The following ABCA12 variants were observed in gnomAD, a reference collection of about 807,000 sequenced individuals.
ABCA12 encodes the protein ATP binding cassette subfamily A member 12.
A neutral mutation model predicts 293.5 loss-of-function variants in ABCA12; 156 were observed. That is an observed-to-expected ratio of 0.53 (90% CI 0.47 to 0.61). The LOEUF (loss-of-function observed/expected upper bound fraction) is 0.61, where lower values mean the gene tolerates loss of function less well. Among genes scored for constraint, ABCA12 ranks in the 20% least tolerant of loss-of-function variants. ABCA12 has a pLI of 0.00. For synonymous variants in ABCA12, 1,063 were observed against 1,108.0 expected (o/e 0.96, Z 0.81); for missense variants, 2,797 against 3,090.2 (o/e 0.91, Z 2.25).
At chr2:215,132,420 C>T (rs1450489023) in intron 1 of ABCA12, among the ~76,000 whole-genome samples, 5 of 151,568 alleles carry the variant, frequency 3.3e-5, no homozygotes, top group African/African-American at 7.2e-5. Flanking sequence ...TGGGTGCTTC[C>T]GTATTGGGTT....
chr2:214,946,247 TAAA>T (rs1485037709), intron 48 of ABCA12, among the ~76,000 whole-genome samples: 1 of 152,100 alleles, frequency 6.6e-6, no homozygotes, highest in Non-Finnish European at 1.5e-5. Flanking sequence ...TTTTAAAAAA[TAAA>T]GAAATTAGTG....
Position 215,012,034 on chromosome 2 carries a change from C to T in ABCA12, c.2058G>A (p.Pro686=), listed in dbSNP as rs535625281. 18 of 1,613,854 alleles carry T rather than the reference C, an allele frequency of 1.1e-5. No individual in the cohort carries two copies. The highest frequency in any genetic ancestry group is 1.6e-4 in the Middle Eastern group (1 of 6,062). ...ILNQMASGTH[P]LLDKMRSLKQ... is the part of the protein sequence containing the mutation. ...TCAGGGATCTCATTTTGTCTAGCAG[C>T]GGATGTGTGCCAGAAGCCATCTGAT... The change falls in exon 16 of 53, where the codon CCG becomes CCA. Residue 686 remains proline, a synonymous_variant. Coordinates refer to ENST00000272895, the MANE Select transcript of ABCA12 (RefSeq NM_173076.3).
In ABCA12 at chr2:214,949,063, G is replaced by T; in HGVS notation, c.6939C>A (p.Asn2313Lys). 1 of 1,613,684 alleles carries T rather than the reference G, an allele frequency of 6.2e-7. No homozygotes were observed. Among genetic ancestry groups the T allele is most frequent in the Non-Finnish European group, 8.5e-7 (1 of 1,179,762 alleles). Residue 2313 changes from asparagine to lysine, a missense_variant, in exon 46 of 53, where the codon AAC (asparagine) becomes AAA (lysine). Physicochemically the swap from Asn to Lys is moderately conservative, Grantham distance 94. This residue lies in a region of ABCA12 where 2,130 missense variants were observed against 2,427.0 expected (regional missense o/e 0.88). Coordinates refer to ENST00000272895, the MANE Select transcript of ABCA12 (RefSeq NM_173076.3). ...LTGDIIPSSG[N>K]ILIRNKTGSL... ...ACCCGGTCTTATTTCTGATCAGAAT[G>T]TTTCCACTTGAAGGAATGATGTCTC...
chr2:214,994,060 G>C (rs1165360024), intron 23 of ABCA12, among the ~76,000 whole-genome samples: 5 of 152,056 alleles, frequency 3.3e-5, no homozygotes, highest in African/African-American at 9.7e-5. Context: ...TGAAACTTCA[G>C]TGTTAAACTT....
intron 2 of ABCA12, among the ~76,000 whole-genome samples, chr2:215,107,790 A>G (rs1702493035): frequency 6.6e-6 from 1 of 152,196 alleles, no homozygotes; most frequent in Non-Finnish European, 1.5e-5. Flanking sequence ...ACAGTATTAC[A>G]GAACAGAAGT....
chr2:214,940,059 C>A lies in ABCA12; in HGVS notation c.7437-2444G>T, dbSNP rs551166215. Among the ~76,000 whole-genome samples, 68 of 152,270 alleles carry A rather than the reference C, an allele frequency of 4.5e-4. 1 individual carries two copies. In the South Asian group the frequency reaches 0.013, roughly 29 times the overall value. On this transcript the variant is annotated intron_variant, in intron 50 of 52. Transcript: ENST00000272895. ...CTTGTGCTGGTTTTCAAAGGGAATA[C>A]TTCCAGATTTTGTCCATTTGGTATG... is the stretch of plus-strand genomic sequence containing the variant.
At chr2:214,992,110 G>C (rs1559135029) in intron 23 of ABCA12, among the ~76,000 whole-genome samples, 1 of 151,884 alleles carries the variant, frequency 6.6e-6, no homozygotes. Context: ...ATGTACTTTG[G>C]GGAAACCTGG....
chr2:215,109,998 TTAAGA>T (rs1375538931), intron 2 of ABCA12, among the ~76,000 whole-genome samples: 1 of 152,222 alleles, frequency 6.6e-6, no homozygotes, highest in Non-Finnish European at 1.5e-5. Flanking sequence ...CCCATGCTAC[TTAAGA>T]TATGTAGAAA....
At position 214,970,302 on chromosome 2, in the gene ABCA12, TATAAG is replaced by T. The variant is rs772049498; in HGVS notation, c.5656_5660del (p.Leu1886IlefsTer5). 2 of 1,612,952 alleles carry T rather than the reference TATAAG, an allele frequency of 1.2e-6. No individual in the cohort carries two copies. The highest frequency in any genetic ancestry group is 1.7e-5 in the Admixed American group (1 of 59,930). ...TTTGGACAAACTCATTTGCAGTTGA[TATAAG>T]ATAATTTTCCACTCGTTGCCCAGTG... is the stretch of plus-strand genomic sequence containing the variant. On this transcript the variant is annotated frameshift_variant, in exon 37 of 53. Coordinates refer to ENST00000272895, the MANE Select transcript of ABCA12 (RefSeq NM_173076.3). LOFTEE classifies it high-confidence loss of function.
rs779949281 is a variant in ABCA12 at position 215,054,605 on chromosome 2, G to A, written c.377C>T (p.Thr126Ile). 7 of 1,612,012 alleles carry A rather than the reference G, an allele frequency of 4.3e-6. No individual in the cohort carries two copies. The highest frequency in any genetic ancestry group is 5.9e-6 in the Non-Finnish European group (7 of 1,178,604). The change falls in exon 4 of 53, where the codon ACC becomes ATC. Residue 126 changes from threonine to isoleucine, a missense_variant. Thr to Ile is a moderately conservative substitution (Grantham distance 89, BLOSUM62 -1). This residue lies in a region of ABCA12 where 656 missense variants were observed against 638.2 expected (regional missense o/e 1.03). Transcript: ENST00000272895. ...DKDSSLSFQS[T>I]QVPERRHASL... ...TGCATGCCTTCTTTCTGGAACTTGG[G>A]TGCTCTGGAATGATAAACTGCTGTC...
At chr2:214,979,081 T>A (rs773549002) in intron 31 of ABCA12, 41 bp from the exon 32 acceptor site, 3 of 1,545,808 alleles carry the variant, frequency 1.9e-6, no homozygotes, top group Admixed American at 1.7e-5. Context: ...CTCCTCTCTT[T>A]ACACTATAGT....
chr2:215,112,790 G>A (rs1453967785), intron 1 of ABCA12, among the ~76,000 whole-genome samples: 2 of 152,022 alleles, frequency 1.3e-5, no homozygotes, highest in African/African-American at 4.8e-5. Flanking sequence ...GAGCCACCGT[G>A]CCCGGCCTGA....
At chr2:215,048,208 A>C (rs926504691) in intron 6 of ABCA12, among the ~76,000 whole-genome samples, 1 of 152,138 alleles carries the variant, frequency 6.6e-6, no homozygotes, top group Admixed American at 6.6e-5. Context: ...ACACTTAAAC[A>C]CTGTTAGTGG....
intron 29 of ABCA12, among the ~76,000 whole-genome samples, chr2:214,982,863 TA>T (rs987156246): frequency 1.2e-4 from 18 of 151,970 alleles, no homozygotes; most frequent in African/African-American, 2.9e-4. Context: ...TAAGTGCAAT[TA>T]AAAAAAATAA....
At chr2:215,072,419 T>A (rs1559178164) in intron 2 of ABCA12, among the ~76,000 whole-genome samples, 1 of 152,162 alleles carries the variant, frequency 6.6e-6, no homozygotes, top group Admixed American at 6.5e-5. Flanking sequence ...GCTATTATTA[T>A]TTTTTAAGGG....
Position 215,015,523 on chromosome 2 carries a change from C to G in ABCA12, c.1923G>C (p.Leu641=), listed in dbSNP as rs79664364. 9,593 of 1,614,032 alleles carry G rather than the reference C, an allele frequency of 5.9e-3. 40 individuals are homozygous for G. The highest frequency in any genetic ancestry group is 7.1e-3 in the Non-Finnish European group (8,385 of 1,179,938). The change falls in exon 15 of 53, where the codon CTG becomes CTC. Residue 641 remains leucine, a synonymous_variant. Coordinates refer to ENST00000272895, the MANE Select transcript of ABCA12 (RefSeq NM_173076.3). The stretch of plus-strand genomic sequence containing the variant: ...TGAAGTTGTAAATGTTTAAGTAGTG[C>G]AGAAGGGTGAGTCCGATGAGGTAAG... ...RQSYLIGLTL[L]HYLNIYNFTY...
At chr2:214,934,698 C>T (rs748617788) in intron 51 of ABCA12, among the ~76,000 whole-genome samples, 30 of 152,152 alleles carry the variant, frequency 2.0e-4, no homozygotes, top group Non-Finnish European at 3.4e-4. Context: ...CTTTTCCCAA[C>T]TCACCCTAAA....
rs371554904 is a variant in ABCA12 at position 215,004,185 on chromosome 2, A to C, written c.2683+24T>G. 53 of 1,588,154 alleles carry C rather than the reference A, an allele frequency of 3.3e-5. No individual in the cohort carries two copies. The East Asian group carries it at 4.2e-4, about 13-fold the overall frequency. Reference sequence around the variant, plus strand: ...ATATGTCCGACATGACTCATGAATAAAAGCTTTGTGAATTTGGACTCACCG... The same window carrying C: ...ATATGTCCGACATGACTCATGAATACAAGCTTTGTGAATTTGGACTCACCG... On this transcript the variant is annotated intron_variant, in intron 20 of 52. Coordinates refer to ENST00000272895, the MANE Select transcript of ABCA12 (RefSeq NM_173076.3).
chr2:215,046,434 T>C (rs924282980), intron 6 of ABCA12, among the ~76,000 whole-genome samples: 4 of 148,742 alleles, frequency 2.7e-5, no homozygotes, highest in African/African-American at 9.8e-5. Context: ...CCTTAACTAA[T>C]ATATAGATTA....
Sources: allele counts gnomAD v4.1 joint callset (sites outside exome capture counted in the v4.1 genomes callset), GRCh38; gene constraint gnomAD v4.1.1; regional missense constraint gnomAD v4.1.1; transcripts MANE v1.5; gene names NCBI Gene and HGNC (gene_info 2026-07-23, HGNC 2026-07-21).